The following NEDD4L variants were observed in gnomAD, a reference collection of about 807,000 sequenced individuals.
NEDD4L encodes the protein NEDD4 like E3 ubiquitin protein ligase.
Under a neutral mutation model 148.9 loss-of-function variants are expected in NEDD4L, and 54 were observed. That is an observed-to-expected ratio of 0.36 (90% confidence interval 0.29 to 0.45). NEDD4L has a LOEUF of 0.45. Ranked by LOEUF, NEDD4L falls within the 20% of genes least tolerant of loss-of-function variation. NEDD4L has a pLI of 1.00. For missense variants in NEDD4L, 856 were observed against 1,233.8 expected, an observed-to-expected ratio of 0.69 and a Z score of 4.59; for synonymous variants, 433 against 440.7, an observed-to-expected ratio of 0.98 and a Z score of 0.22.
chr18:58,374,967 C>T (rs531912199), intron 24 of NEDD4L, among the ~76,000 whole-genome samples: 55 of 152,306 alleles, frequency 3.6e-4, no homozygotes, highest in African/African-American at 1.3e-3. Flanking sequence ...CCAGGTCTAA[C>T]GGCCTCCTCA....
At chr18:58,065,108 G>C (rs1052417834) in intron 1 of NEDD4L, among the ~76,000 whole-genome samples, 1 of 152,182 alleles carries the variant, frequency 6.6e-6, no homozygotes, top group Non-Finnish European at 1.5e-5. Flanking sequence ...TTGTTCATTA[G>C]ATCCAAAACA....
intron 1 of NEDD4L, among the ~76,000 whole-genome samples, chr18:58,064,320 A>G (rs1056037725): frequency 6.6e-6 from 1 of 152,244 alleles, no homozygotes; most frequent in Non-Finnish European, 1.5e-5. Context: ...TATAGCTGGT[A>G]TATCACCATA....
chr18:58,137,048 G>A (rs944004933), intron 1 of NEDD4L, among the ~76,000 whole-genome samples: 9 of 152,208 alleles, frequency 5.9e-5, no homozygotes, highest in African/African-American at 2.2e-4. Flanking sequence ...AGGGTAATAC[G>A]ATACGCAGTC....
intron 30 of NEDD4L, among the ~76,000 whole-genome samples, chr18:58,394,213 G>A (rs1422985912): frequency 1.3e-5 from 2 of 152,198 alleles, no homozygotes; most frequent in Non-Finnish European, 2.9e-5. Flanking sequence ...CACTTGATGC[G>A]ATTGACTCAT....
At chr18:58,137,403 G>A (rs2032967170) in intron 1 of NEDD4L, among the ~76,000 whole-genome samples, 1 of 152,218 alleles carries the variant, frequency 6.6e-6, no homozygotes, top group Admixed American at 6.5e-5. Context: ...CAGTGGAGAA[G>A]GGGAGTGAGG....
At chr18:58,269,106 C>T (rs1050093047) in intron 5 of NEDD4L, among the ~76,000 whole-genome samples, 1 of 151,922 alleles carries the variant, frequency 6.6e-6, no homozygotes, top group Non-Finnish European at 1.5e-5. Context: ...GGCCAGGTGA[C>T]ATCTGTTGGA....
intron 1 of NEDD4L, among the ~76,000 whole-genome samples, chr18:58,103,483 A>AT (rs1379876109): frequency 6.6e-6 from 1 of 152,060 alleles, no homozygotes; most frequent in African/African-American, 2.4e-5. Context: ...CACCATGTAA[A>AT]TAACAGATGC....
intron 1 of NEDD4L, among the ~76,000 whole-genome samples, chr18:58,085,359 G>C (rs1227479990): frequency 6.6e-6 from 1 of 152,162 alleles, no homozygotes; most frequent in African/African-American, 2.4e-5. Flanking sequence ...TGTGGACTTG[G>C]TCCTCTACCC....
intron 5 of NEDD4L, among the ~76,000 whole-genome samples, chr18:58,267,564 T>C (rs1390111638): frequency 6.6e-6 from 1 of 151,976 alleles, no homozygotes; most frequent in Non-Finnish European, 1.5e-5. Context: ...CTTTGATTTC[T>C]CCGAATACCA....
chr18:58,142,924 C>T (rs2146174549), intron 1 of NEDD4L, among the ~76,000 whole-genome samples: 1 of 152,172 alleles, frequency 6.6e-6, no homozygotes, highest in South Asian at 2.1e-4. Flanking sequence ...TGGACGCTGG[C>T]AGGGTCCTTA....
chr18:58,327,309 C>G (rs1026443538), intron 9 of NEDD4L, among the ~76,000 whole-genome samples: 9 of 152,208 alleles, frequency 5.9e-5, no homozygotes, highest in East Asian at 3.8e-4. Context: ...CTTGGTCAAG[C>G]TGGTTTCAAA....
At chr18:58,089,359 TCCTGACCTCAGGTGATCCA>T (rs1398795761) in intron 1 of NEDD4L, among the ~76,000 whole-genome samples, 2 of 152,140 alleles carry the variant, frequency 1.3e-5, no homozygotes, top group Non-Finnish European at 2.9e-5. Context: ...GGTCTTGAAC[TCCTGACCTCAGGTGATCCA>T]CCTGCCTCAG....
In NEDD4L at chr18:58,062,517, A is replaced by G. The variant is rs77638836; in HGVS notation, c.48+17809A>G. ...AGATTAATACAAAATCTGGTGAAAA[A>G]TGGAGAAAAGGAGAGCTTAAAACTT... On this transcript the variant is annotated intron_variant, in intron 1 of 30. Coordinates refer to ENST00000400345, the MANE Select transcript of NEDD4L (RefSeq NM_001144967.3). Among the ~76,000 whole-genome samples the G allele has an allele frequency of 3.7e-3, 561 of 152,300 alleles. 6 individuals carry two copies. Among genetic ancestry groups the G allele is most frequent in the African/African-American group, 0.013 (534 of 41,558 alleles).
intron 1 of NEDD4L, among the ~76,000 whole-genome samples, chr18:58,056,999 G>A (rs2082117645): frequency 6.6e-6 from 1 of 150,504 alleles, no homozygotes; most frequent in African/African-American, 2.4e-5. Context: ...GGCCCACAGA[G>A]GCTGAGATCT....
intron 6 of NEDD4L, among the ~76,000 whole-genome samples, chr18:58,317,391 G>T (rs575134531): frequency 6.6e-6 from 1 of 152,152 alleles, no homozygotes; most frequent in East Asian, 1.9e-4. Flanking sequence ...CTGAAGCTGC[G>T]ATCCTCTCAC....
chr18:58,385,386 C>A, intron 25 of NEDD4L, 140 bp from the exon 26 acceptor site: 1 of 744,562 alleles, frequency 1.3e-6, no homozygotes, highest in South Asian at 1.5e-5. Flanking sequence ...CATGAATAAA[C>A]TAAACAGTGG....
rs4149598 is a variant in NEDD4L at position 58,149,205 on chromosome 18, A to G, written c.49-16583A>G. 0.3 allele frequency: 71,211 copies of G among 240,736 alleles called. 11,281 individuals are homozygous for G. Among genetic ancestry groups the G allele is most frequent in the African/African-American group, 0.34 (15,173 of 44,524 alleles). 14.9% of individuals were successfully genotyped at this position (240,736 alleles called of 1,614,324 possible). ...ACCTGATGTTATCTTATGTGGCGTT[A>G]TCTGGGTCAGATTTCATTGCATTTC... On this transcript the variant is annotated intron_variant, in intron 1 of 30. Coordinates refer to ENST00000400345, the MANE Select transcript of NEDD4L (RefSeq NM_001144967.3).
chr18:58,384,253 G>A (rs2048717077), intron 25 of NEDD4L, among the ~76,000 whole-genome samples: 1 of 152,240 alleles, frequency 6.6e-6, no homozygotes, highest in South Asian at 2.1e-4. Flanking sequence ...AAGAAACGGA[G>A]CGTGTTAGAG....
Position 58,322,246 on chromosome 18 carries a change from A to T in NEDD4L, c.349-179A>T, listed in dbSNP as rs138324897. On this transcript the variant is annotated intron_variant, in intron 6 of 30. Coordinates refer to ENST00000400345, the MANE Select transcript of NEDD4L (RefSeq NM_001144967.3). ...CTCCTAAAACCCGGTGTGGATAGTG[A>T]CATCTAGTGGATCTCTAGTAGATCA... Among the ~76,000 whole-genome samples, 2,129 of 152,308 alleles carry T rather than the reference A, an allele frequency of 0.014. 27 individuals are homozygous for T. The highest frequency in any genetic ancestry group is 0.019 in the Non-Finnish European group (1,259 of 68,028).
Sources: gnomAD v4.1 joint callset for allele counts (sites outside exome capture counted in the v4.1 genomes callset) on GRCh38, gnomAD v4.1.1 for gene constraint, MANE v1.5 for transcripts, NCBI Gene and HGNC (gene_info 2026-07-23, HGNC 2026-07-21) for gene names.